NRXN1: variants seen among roughly 807,000 people sequenced by gnomAD.
NRXN1 encodes neurexin 1, also known as neurexin-1.
In NRXN1, 39 loss-of-function variants were observed where a neutral mutation model predicts 150.9. That is an observed-to-expected ratio of 0.26 (90% CI 0.20 to 0.34). NRXN1 has a LOEUF of 0.34. Among genes scored for constraint, NRXN1 ranks in the 10% least tolerant of loss-of-function variants. NRXN1 has a pLI of 1.00. For missense variants in NRXN1, 1,815 were observed against 1,949.9 expected (o/e 0.93, Z 1.30); for synonymous variants, 924 against 757.0 (o/e 1.22, Z -3.62).
chr2:50,765,382 G>T (rs1221462051), intron 5 of NRXN1, among the ~76,000 whole-genome samples: 1 of 152,026 alleles, frequency 6.6e-6, no homozygotes, highest in Non-Finnish European at 1.5e-5. Context: ...GAAGACAAAT[G>T]CGAATTGTCC....
chr2:50,923,912 A>G (rs1686473750), intron 3 of NRXN1, among the ~76,000 whole-genome samples: 1 of 151,768 alleles, frequency 6.6e-6, no homozygotes, highest in South Asian at 2.1e-4. Flanking sequence ...ATATAACATG[A>G]AAGTTATTAA....
chr2:50,496,527 T>C (rs1045953119), intron 14 of NRXN1, among the ~76,000 whole-genome samples: 4 of 152,180 alleles, frequency 2.6e-5, no homozygotes, highest in East Asian at 1.9e-4. Flanking sequence ...CCAGGTCAGA[T>C]AGCCACTCCC....
At chr2:50,613,464 A>T (rs1273405016) in intron 8 of NRXN1, among the ~76,000 whole-genome samples, 1 of 152,216 alleles carries the variant, frequency 6.6e-6, no homozygotes, top group African/African-American at 2.4e-5. Context: ...GTGCATACTG[A>T]TCCTACATGA....
rs2086728327 is a variant in NRXN1 at position 50,449,106 on chromosome 2, A to G, written c.3364+16336T>C. Among the ~76,000 whole-genome samples the G allele has an allele frequency of 2.0e-5, 3 of 152,212 alleles. No individual in the cohort carries two copies. In the South Asian group the frequency reaches 6.2e-4, roughly 32 times the overall value. On this transcript the variant is annotated intron_variant, in intron 17 of 22. Transcript: ENST00000401669. Reference sequence around the variant, plus strand: ...TGGTGAATTCAGACCTTTTATGGTCAAATTCACAATAAATCTTTGATTTTA... The same window carrying G: ...TGGTGAATTCAGACCTTTTATGGTCGAATTCACAATAAATCTTTGATTTTA...
At chr2:50,270,367 T>A (rs924222540) in intron 17 of NRXN1, among the ~76,000 whole-genome samples, 8 of 152,166 alleles carry the variant, frequency 5.3e-5, no homozygotes, top group Non-Finnish European at 1.2e-4. Context: ...TGAGAAACAC[T>A]AAGTACTTCT....
At chr2:50,390,622 C>T (rs1354324039) in intron 17 of NRXN1, among the ~76,000 whole-genome samples, 1 of 152,198 alleles carries the variant, frequency 6.6e-6, no homozygotes. Flanking sequence ...GAGGTGAAAA[C>T]TCTAAGAGGT....
chr2:50,861,846 A>T (rs187418477), intron 5 of NRXN1, among the ~76,000 whole-genome samples: 3 of 152,200 alleles, frequency 2.0e-5, no homozygotes, highest in African/African-American at 7.2e-5. Context: ...TCTAGCAGTT[A>T]TAAGTGTATT....
intron 5 of NRXN1, among the ~76,000 whole-genome samples, chr2:50,749,663 A>C (rs1700372934): frequency 6.6e-6 from 1 of 152,140 alleles, no homozygotes; most frequent in Non-Finnish European, 1.5e-5. Context: ...CCTTTTTCAG[A>C]TAAATAACTG....
intron 17 of NRXN1, among the ~76,000 whole-genome samples, chr2:50,436,893 TA>T (rs2085495102): frequency 6.6e-6 from 1 of 152,224 alleles, no homozygotes; most frequent in African/African-American, 2.4e-5. Flanking sequence ...AGAATGCTTA[TA>T]CTAGATTATT....
rs974596039 is a variant in NRXN1, at chr2:50,521,843, T to C, written c.2374+6782A>G. On this transcript the variant is annotated intron_variant, in intron 12 of 22. Transcript: ENST00000401669. Reference sequence around the variant, plus strand: ...CTATTTGGATCACCAGTGGATCCAATTGGATCCAGCAACTGGATCATCTGC... The same window carrying C: ...CTATTTGGATCACCAGTGGATCCAACTGGATCCAGCAACTGGATCATCTGC... 1.1e-4 allele frequency among the ~76,000 whole-genome samples: 16 copies of C among 152,238 alleles called. No individual in the cohort carries two copies. The East Asian group carries it at 1.4e-3, about 13-fold the overall frequency.
At chr2:50,877,950 C>T (rs750519801) in intron 5 of NRXN1, among the ~76,000 whole-genome samples, 1 of 151,874 alleles carries the variant, frequency 6.6e-6, no homozygotes, top group African/African-American at 2.4e-5. Context: ...ATTTTACTTC[C>T]AAGATTTCAC....
intron 18 of NRXN1, among the ~76,000 whole-genome samples, chr2:50,122,185 C>T (rs111314402): frequency 6.6e-6 from 1 of 152,188 alleles, no homozygotes; most frequent in Non-Finnish European, 1.5e-5. Flanking sequence ...TCTATTCACA[C>T]TTGTTGAAAA....
At chr2:50,682,684 C>T (rs896671724) in intron 5 of NRXN1, among the ~76,000 whole-genome samples, 1 of 152,098 alleles carries the variant, frequency 6.6e-6, no homozygotes, top group Non-Finnish European at 1.5e-5. Flanking sequence ...CTCTAATGGG[C>T]TGATACAGAT....
At chr2:50,323,355 C>A (rs1163667937) in intron 17 of NRXN1, among the ~76,000 whole-genome samples, 5 of 152,050 alleles carry the variant, frequency 3.3e-5, no homozygotes. Context: ...GTCTGGGGAC[C>A]ACATTTTGAG....
At chr2:50,243,833 T>C (rs1202403538) in intron 17 of NRXN1, among the ~76,000 whole-genome samples, 1 of 151,824 alleles carries the variant, frequency 6.6e-6, no homozygotes, top group African/African-American at 2.4e-5. Context: ...GATTAGGCTC[T>C]AGCCCAGCCA....
At chr2:50,693,283 T>C (rs1371261581) in intron 5 of NRXN1, among the ~76,000 whole-genome samples, 3 of 152,204 alleles carry the variant, frequency 2.0e-5, no homozygotes, top group Non-Finnish European at 4.4e-5. Flanking sequence ...TGCTAAATAC[T>C]AAATGCTAAC....
At chr2:50,056,111 C>T (rs1434352498) in intron 19 of NRXN1, among the ~76,000 whole-genome samples, 1 of 151,870 alleles carries the variant, frequency 6.6e-6, no homozygotes, top group Admixed American at 6.6e-5. Flanking sequence ...AAATTTAAGC[C>T]AAGACATTTT....
At chr2:50,609,218 C>G (rs564936603) in intron 8 of NRXN1, among the ~76,000 whole-genome samples, 1 of 152,216 alleles carries the variant, frequency 6.6e-6, no homozygotes, top group South Asian at 2.1e-4. Flanking sequence ...TGTGCAAAAT[C>G]TCATAAATTC....
Position 50,347,200 on chromosome 2 carries a change from C to A in NRXN1, c.3365-110230G>T, listed in dbSNP as rs1400638685. On this transcript the variant is annotated intron_variant, in intron 17 of 22. Coordinates refer to ENST00000401669, the MANE Select transcript of NRXN1 (RefSeq NM_001330078.2). The surrounding 1 kb of genome is among the most constrained non-coding windows in gnomAD (Gnocchi z 4.9). The stretch of plus-strand genomic sequence containing the variant: ...CTGGAGAGGGGCTTGTCCGGAAAGG[C>A]AGCCCCGGGAACAGCAAGCGCGGAG... 1.5e-6 allele frequency: 2 copies of A among 1,347,786 alleles called. No individual in the cohort carries two copies. The highest frequency in any genetic ancestry group is 3.0e-5 in the African/African-American group (2 of 67,452). The allele number at this position is 1,347,786 out of a possible 1,614,324, so 83.5% of individuals were successfully genotyped here.
Sources: allele counts gnomAD v4.1 joint callset (sites outside exome capture counted in the v4.1 genomes callset), GRCh38; gene constraint gnomAD v4.1.1; non-coding constraint Gnocchi (gnomAD v3.1); transcripts MANE v1.5; gene names NCBI Gene and HGNC (gene_info 2026-07-23, HGNC 2026-07-21).